SGPP1: variants seen among roughly 807,000 people sequenced by gnomAD.
SGPP1 encodes hSPP1.
SGPP1 carries 21 observed loss-of-function variants against 33.0 expected under a neutral mutation model. That is an observed-to-expected ratio of 0.64 (90% CI 0.45 to 0.92). The LOEUF (loss-of-function observed/expected upper bound fraction) is 0.92. Ranked by LOEUF, SGPP1 falls within the 40% of genes least tolerant of loss-of-function variation. SGPP1 has a pLI of 0.00. For missense variants in SGPP1, 543 were observed against 589.4 expected (o/e 0.92, Z 0.81); for synonymous variants, 239 against 241.2 (o/e 0.99, Z 0.08).
In SGPP1 at chr14:63,722,956, A is replaced by C. The variant is rs933337016; in HGVS notation, c.684+4305T>G. The stretch of plus-strand genomic sequence containing the variant: ...CACTGTACTCCAGTCTGAGCGACAG[A>C]GTAAGACCCTGTCTCAAAAAAAAAA... On this transcript the variant is annotated intron_variant, in intron 1 of 2. Transcript: ENST00000247225. Among the ~76,000 whole-genome samples the C allele has an allele frequency of 3.3e-5, 5 of 150,696 alleles. 1 individual carries two copies. The highest frequency in any genetic ancestry group is 5.9e-5 in the Non-Finnish European group (4 of 67,764).
chr14:63,726,005 G>A (rs1595075512), intron 1 of SGPP1, among the ~76,000 whole-genome samples: 1 of 152,108 alleles, frequency 6.6e-6, no homozygotes, highest in Non-Finnish European at 1.5e-5. Context: ...GAACATCACC[G>A]TATAGCTCCT....
At chr14:63,689,519 G>A (rs572359745) in intron 2 of SGPP1, among the ~76,000 whole-genome samples, 2 of 152,068 alleles carry the variant, frequency 1.3e-5, no homozygotes, top group African/African-American at 4.8e-5. Flanking sequence ...AGTTTGGCCC[G>A]GGGGTGGTGG....
chr14:63,693,269 A>T (rs1885122722), intron 2 of SGPP1, among the ~76,000 whole-genome samples: 1 of 152,206 alleles, frequency 6.6e-6, no homozygotes, highest in Non-Finnish European at 1.5e-5. Flanking sequence ...TGCCAAAATA[A>T]CTTCACCTTA....
rs75962998 is a variant in SGPP1, at chr14:63,686,244, T to C, written c.1187A>G (p.Asn396Ser). 2,256 of 1,614,162 alleles carry C rather than the reference T, an allele frequency of 1.4e-3. 27 individuals are homozygous for C. The African/African-American group carries it at 0.026, about 19-fold the overall frequency. The change falls in exon 3 of 3, where the codon AAT becomes AGT. Residue 396 changes from asparagine to serine, a missense_variant. By Grantham distance (46) the Asn-to-Ser change is conservative. Transcript: ENST00000247225. Reference sequence around the variant, plus strand: ...TTTTCGAATATCATCACACGGTATATTGAAGATTTTGCAGGCTAAAGGAAT... The same window carrying C: ...TTTTCGAATATCATCACACGGTATACTGAAGATTTTGCAGGCTAAAGGAAT... ...ITIPLACKIFNIPCDDIRKAR... is the reference protein window; with the variant it reads ...ITIPLACKIFSIPCDDIRKAR...
chr14:63,711,431 A>C (rs746554843), intron 1 of SGPP1, among the ~76,000 whole-genome samples: 4 of 152,192 alleles, frequency 2.6e-5, no homozygotes, highest in African/African-American at 9.7e-5. Flanking sequence ...TATACAAAGA[A>C]AAGTTTATTT....
At chr14:63,701,970 T>C (rs1207261510) in intron 1 of SGPP1, among the ~76,000 whole-genome samples, 1 of 135,750 alleles carries the variant, frequency 7.4e-6, no homozygotes, top group Non-Finnish European at 1.6e-5. Context: ...AAAAGTCAAC[T>C]TTAAAAAAAT....
At chr14:63,710,929 AG>A (rs1297366790) in intron 1 of SGPP1, among the ~76,000 whole-genome samples, 1 of 152,222 alleles carries the variant, frequency 6.6e-6, no homozygotes, top group Non-Finnish European at 1.5e-5. Context: ...GGGGATACTA[AG>A]ACCTATAATA....
At chr14:63,696,764 T>C (rs777001299) in intron 2 of SGPP1, among the ~76,000 whole-genome samples, 7 of 152,158 alleles carry the variant, frequency 4.6e-5, no homozygotes, top group Middle Eastern at 3.2e-3. Flanking sequence ...GGCAGGTGGA[T>C]TACCTGAGGT....
intron 2 of SGPP1, among the ~76,000 whole-genome samples, chr14:63,687,937 A>G (rs1885014167): frequency 6.6e-6 from 1 of 152,168 alleles, no homozygotes; most frequent in Non-Finnish European, 1.5e-5. Context: ...CCTGGCCAAC[A>G]TGGTGAAACC....
intron 1 of SGPP1, among the ~76,000 whole-genome samples, chr14:63,725,906 A>G (rs1885868562): frequency 6.6e-6 from 1 of 152,242 alleles, no homozygotes; most frequent in South Asian, 2.1e-4. Flanking sequence ...CAGCTCATTG[A>G]AAATCTTAAA....
rs1036927756 is a variant in SGPP1 at position 63,685,862 on chromosome 14, A to G, written c.*243T>C. 4.3e-6 allele frequency: 1 copy of G among 234,632 alleles called. No homozygotes were observed. Among genetic ancestry groups the G allele is most frequent in the African/African-American group, 2.3e-5 (1 of 44,094 alleles). 14.5% of individuals were successfully genotyped at this position (234,632 alleles called of 1,614,324 possible). A position where few individuals can be genotyped will look rare whatever the true frequency, so the allele number is the denominator to read the frequency against. ...TTGAATCCATAATACAAAACTCTCC[A>G]AACATTACATGAACATTCTAAATGG... is the stretch of plus-strand genomic sequence containing the variant. On this transcript the variant is annotated 3_prime_UTR_variant, in exon 3 of 3. Coordinates refer to ENST00000247225, the MANE Select transcript of SGPP1 (RefSeq NM_030791.4).
chr14:63,704,957 C>G (rs938935101), intron 1 of SGPP1, among the ~76,000 whole-genome samples: 3 of 151,956 alleles, frequency 2.0e-5, no homozygotes, highest in Non-Finnish European at 4.4e-5. Context: ...GAGACCCTGT[C>G]TCTATGAAAA....
chr14:63,709,971 T>TA (rs1885491420), intron 1 of SGPP1, among the ~76,000 whole-genome samples: 1 of 152,210 alleles, frequency 6.6e-6, no homozygotes, highest in African/African-American at 2.4e-5. Flanking sequence ...GGTAGTAAAT[T>TA]AAGTCAATAA....
chr14:63,703,714 TTAG>T (rs1293582506), intron 1 of SGPP1, among the ~76,000 whole-genome samples: 2 of 149,886 alleles, frequency 1.3e-5, no homozygotes, highest in Admixed American at 1.3e-4. Context: ...TGTTTATGGA[TTAG>T]AAGACTTAAT....
At chr14:63,709,337 G>A (rs1486961119) in intron 1 of SGPP1, among the ~76,000 whole-genome samples, 1 of 149,934 alleles carries the variant, frequency 6.7e-6, no homozygotes, top group Non-Finnish European at 1.5e-5. Flanking sequence ...CTATGCCATT[G>A]CACTCCAGCC....
intron 1 of SGPP1, among the ~76,000 whole-genome samples, chr14:63,711,275 A>C (rs1293412093): frequency 6.6e-6 from 1 of 152,166 alleles, no homozygotes; most frequent in Admixed American, 6.5e-5. Context: ...TCGGTCTCCC[A>C]AAGTGCTGGG....
chr14:63,717,860 AT>A (rs1233894102), intron 1 of SGPP1, among the ~76,000 whole-genome samples: 7 of 152,206 alleles, frequency 4.6e-5, no homozygotes, highest in Non-Finnish European at 8.8e-5. Context: ...AAAAATACAT[AT>A]TAAGTACTGG....
intron 1 of SGPP1, among the ~76,000 whole-genome samples, chr14:63,714,412 T>C (rs1340278577): frequency 6.6e-6 from 1 of 152,176 alleles, no homozygotes; most frequent in Non-Finnish European, 1.5e-5. Context: ...TTTTTAACTC[T>C]TTATTTTTTT....
At chr14:63,724,616 TAAAAA>T (rs34386504) in intron 1 of SGPP1, among the ~76,000 whole-genome samples, 4 of 85,004 alleles carry the variant, frequency 4.7e-5, no homozygotes, top group South Asian at 4.1e-4. Flanking sequence ...CAAGGATCTT[TAAAAA>T]AAAAAAAAAA....
Sources: allele counts gnomAD v4.1 joint callset (sites outside exome capture counted in the v4.1 genomes callset), GRCh38; gene constraint gnomAD v4.1.1; transcripts MANE v1.5; gene names NCBI Gene and HGNC (gene_info 2026-07-23, HGNC 2026-07-21).